CLCNKA: variants seen among roughly 807,000 people sequenced by gnomAD.
CLCNKA encodes chloride voltage-gated channel Ka, also known as chloride channel protein ClC-Ka.
CLCNKA carries 66 observed loss-of-function variants against 83.3 expected under a neutral mutation model. That is an observed-to-expected ratio of 0.79 (90% CI 0.65 to 0.97). The LOEUF (loss-of-function observed/expected upper bound fraction) is 0.97, where lower values mean the gene tolerates loss of function less well. CLCNKA is among the 50% of genes least tolerant of loss of function. The pLI, the probability that CLCNKA is intolerant of heterozygous loss-of-function variation, is 0.00. For missense variants in CLCNKA, 806 were observed against 888.7 expected, an observed-to-expected ratio of 0.91 and a Z score of 1.18; for synonymous variants, 357 against 370.4, an observed-to-expected ratio of 0.96 and a Z score of 0.42.
intron 2 of CLCNKA, 40 bp downstream of exon 2, chr1:16,022,759 T>G: frequency 7.3e-7 from 1 of 1,371,666 alleles, no homozygotes. Context: ...GGGGGACCAC[T>G]CAGGACATCA....
chr1:16,026,539 C>T lies in CLCNKA; in HGVS notation c.502C>T (p.Pro168Ser), dbSNP rs370650380. 113 of 1,613,978 alleles carry T rather than the reference C, an allele frequency of 7.0e-5. No individual in the cohort carries two copies. Among genetic ancestry groups the T allele is most frequent in the Non-Finnish European group, 9.3e-5 (110 of 1,180,006 alleles). ...GSTLFLGKVGPFVHLSVMIAA... is the reference protein window; with the variant it reads ...GSTLFLGKVGSFVHLSVMIAA... Reference sequence around the variant, plus strand: ...GGGCCCACCCTTCCCTCTGCAGGGCCCTTTCGTGCACCTGTCTGTAATGAT... The same window carrying T: ...GGGCCCACCCTTCCCTCTGCAGGGCTCTTTCGTGCACCTGTCTGTAATGAT... Residue 168 changes from proline (P) to serine (S), a missense_variant, in exon 6 of 20, where the codon CCT becomes TCT. Coordinates refer to ENST00000331433, the MANE Select transcript of CLCNKA (RefSeq NM_004070.4).
At chr1:16,026,886 G>C (rs550783487) in intron 7 of CLCNKA, 111 bp downstream of exon 7, 2 of 1,438,984 alleles carry the variant, frequency 1.4e-6, no homozygotes, top group African/African-American at 1.4e-5. Flanking sequence ...GCTCATTCTT[G>C]TTCTCACTTC....
In CLCNKA at chr1:16,030,360, C is replaced by G. The variant is rs2022573828; in HGVS notation, c.1409-101C>G. 3 of 1,446,908 alleles carry G rather than the reference C, an allele frequency of 2.1e-6. 1 individual carries two copies. The African/African-American group carries it at 4.2e-5, about 20-fold the overall frequency. The allele number at this position is 1,446,908 out of a possible 1,614,324, so 89.6% of individuals were successfully genotyped here. ...GCCCAGGCTGTGGCCTCTTACAATT[C>G]CCACCCTAGCCCCCGGCAGCAGCCA... On this transcript the variant is annotated intron_variant, in intron 14 of 19. Coordinates refer to ENST00000331433, the MANE Select transcript of CLCNKA (RefSeq NM_004070.4).
intron 18 of CLCNKA, 138 bp from the exon 19 acceptor site, chr1:16,033,032 A>C: frequency 1.1e-6 from 1 of 909,786 alleles, no homozygotes; most frequent in Non-Finnish European, 1.8e-6. Context: ...CACACTGGAC[A>C]TTGCAGGCCT....
intron 4 of CLCNKA, 67 bp downstream of exon 4, chr1:16,024,958 TG>T: frequency 1.3e-6 from 2 of 1,596,868 alleles, no homozygotes. Context: ...GGGCTTCTGA[TG>T]GGGGGAATCG....
intron 2 of CLCNKA, 37 bp downstream of exon 2, chr1:16,022,756 C>A: frequency 1.4e-6 from 2 of 1,381,670 alleles, no homozygotes; most frequent in Non-Finnish European, 1.9e-6. Flanking sequence ...CGCGGGGGAC[C>A]ACTCAGGACA....
rs779941978 is a variant in CLCNKA at position 16,032,571 on chromosome 1, G to A, written c.1929+45G>A. On this transcript the variant is annotated intron_variant, in intron 18 of 19. Coordinates refer to ENST00000331433, the MANE Select transcript of CLCNKA (RefSeq NM_004070.4). ...GTGACACACGCAGCCCCCGGGGCAG[G>A]GCAAGAGCTGATGAGGAGCTCAGGC... is the stretch of plus-strand genomic sequence containing the variant. 6 of 1,447,400 alleles carry A rather than the reference G, an allele frequency of 4.1e-6. No individual in the cohort carries two copies. The African/African-American group carries it at 8.3e-5, about 20-fold the overall frequency. The allele number at this position is 1,447,400 out of a possible 1,614,324, so 89.7% of individuals were successfully genotyped here. A position where few individuals can be genotyped will look rare whatever the true frequency, so the allele number is the denominator to read the frequency against.
rs769122689 is a variant in CLCNKA at position 16,033,294 on chromosome 1, C to T, written c.2016+38C>T. ...CGGGGGCAGAGCAAAGCAGGGGACC[C>T]ATGCCTGAGAAGGCTGGGGAGATGG... On this transcript the variant is annotated intron_variant, in intron 19 of 19. Transcript: ENST00000331433. 7.5e-6 allele frequency: 12 copies of T among 1,604,608 alleles called. 1 individual carries two copies. The highest frequency in any genetic ancestry group is 6.7e-5 in the African/African-American group (5 of 74,726).
intron 10 of CLCNKA, 170 bp from the exon 11 acceptor site, chr1:16,028,591 C>G: frequency 1.2e-6 from 1 of 816,670 alleles, no homozygotes; most frequent in South Asian, 1.4e-5. Context: ...GGGTTCTACC[C>G]GCTGGAGGGG....
chr1:16,031,821 G>T lies in CLCNKA; in HGVS notation c.1734G>T (p.Glu578Asp). The T allele has an allele frequency of 6.2e-7, 1 of 1,613,918 alleles. No homozygotes were observed. Among genetic ancestry groups the T allele is most frequent in the Non-Finnish European group, 8.5e-7 (1 of 1,180,036 alleles). Residue 578 changes from glutamate to aspartate, a missense_variant, in exon 16 of 20, where the codon GAG becomes GAT. Physicochemically the swap from Glu to Asp is conservative, Grantham distance 45. Coordinates refer to ENST00000331433, the MANE Select transcript of CLCNKA (RefSeq NM_004070.4). ...TTGTGACCTCCACAGACGTGACCGAGTATCCCCTGGTGGAGAGCACAGGTG... is the reference window on the plus strand; with the variant it reads ...TTGTGACCTCCACAGACGTGACCGATTATCCCCTGGTGGAGAGCACAGGTG... Reference protein sequence around the residue: ...VKVVTSTDVTEYPLVESTESQ... With the variant: ...VKVVTSTDVTDYPLVESTESQ...
intron 11 of CLCNKA, 89 bp from the exon 12 acceptor site, chr1:16,029,037 T>A: frequency 1.3e-6 from 2 of 1,560,384 alleles, no homozygotes; most frequent in Non-Finnish European, 1.7e-6. Flanking sequence ...CAGGGGAGGA[T>A]TCCAGGCGGG....
Position 16,028,767 on chromosome 1 carries a change from T to C in CLCNKA, c.975T>C (p.Pro325=). The change falls in exon 11 of 20, where the codon CCT becomes CCC. Residue 325 remains proline (P), a synonymous_variant. Transcript: ENST00000331433. The part of the protein sequence containing the change: ...YSSKLLATSK[P]VYSALATLLL... ...GCTCACCCACCCCCCACAGCAAGCCTGTGTACTCCGCTCTGGCCACCTTGC... is the reference window on the plus strand; with the variant it reads ...GCTCACCCACCCCCCACAGCAAGCCCGTGTACTCCGCTCTGGCCACCTTGC... The C allele has an allele frequency of 6.2e-7, 1 of 1,614,118 alleles. No homozygotes were observed. The highest frequency in any genetic ancestry group is 8.5e-7 in the Non-Finnish European group (1 of 1,180,018).
At chr1:16,023,981 C>G (rs1193501211) in intron 3 of CLCNKA, 53 bp downstream of exon 3, 1 of 1,610,018 alleles carries the variant, frequency 6.2e-7, no homozygotes, top group Non-Finnish European at 8.5e-7. Context: ...TAGGCACGCT[C>G]TGGGGATACC....
chr1:16,027,989 C>G (rs2022439533), intron 9 of CLCNKA, 29 bp from the exon 10 acceptor site: 3 of 1,613,924 alleles, frequency 1.9e-6, no homozygotes, highest in African/African-American at 2.7e-5. Flanking sequence ...TGGGGTCAGG[C>G]TCTGGTCTTA....
At chr1:16,029,543 C>T (rs988712410) in intron 12 of CLCNKA, among the ~76,000 whole-genome samples, 188 bp from the exon 13 acceptor site, 3 of 152,208 alleles carry the variant, frequency 2.0e-5, no homozygotes, top group Admixed American at 6.5e-5. Context: ...GTACCTGGCA[C>T]AGTGCCAGGC....
At chr1:16,027,003 T>C in intron 7 of CLCNKA, 1 of 657,266 alleles carries the variant, frequency 1.5e-6, no homozygotes, top group Non-Finnish European at 2.6e-6. Context: ...TTACACAGAC[T>C]TGGGTTTGAA....
intron 2 of CLCNKA, among the ~76,000 whole-genome samples, chr1:16,023,271 T>C (rs1182936402): frequency 6.6e-6 from 1 of 152,212 alleles, no homozygotes; most frequent in Non-Finnish European, 1.5e-5. Flanking sequence ...ACCCAGAGGA[T>C]ACCTGGCGCC....
chr1:16,025,463 C>A lies in CLCNKA; in HGVS notation c.358+572C>A, dbSNP rs140728570. Reference sequence around the variant, plus strand: ...GGTGGATCACTTGATCCCAGGTGTTCAAGAGCAGCTTGGACAACATGGTGA... The same window carrying A: ...GGTGGATCACTTGATCCCAGGTGTTAAAGAGCAGCTTGGACAACATGGTGA... On this transcript the variant is annotated intron_variant, in intron 4 of 19. Coordinates refer to ENST00000331433, the MANE Select transcript of CLCNKA (RefSeq NM_004070.4). 2.4e-3 allele frequency among the ~76,000 whole-genome samples: 360 copies of A among 152,230 alleles called. 2 individuals are homozygous for A. The highest frequency in any genetic ancestry group is 5.6e-3 in the South Asian group (27 of 4,822).
Position 16,028,565 on chromosome 1 carries a change from G to A in CLCNKA, c.969-196G>A, listed in dbSNP as rs80172269. The A allele has an allele frequency of 2.5e-5, 18 of 722,000 alleles. No homozygotes were observed. The Admixed American group carries it at 2.6e-4, about 10-fold the overall frequency. 44.7% of individuals were successfully genotyped at this position (722,000 alleles called of 1,614,324 possible). Reference sequence around the variant, plus strand: ...CCTCTGCCCTCAGTCATACCCAGTTGAGGGGCTCACCCCACGGGTTCTACC... The same window carrying A: ...CCTCTGCCCTCAGTCATACCCAGTTAAGGGGCTCACCCCACGGGTTCTACC... On this transcript the variant is annotated intron_variant, in intron 10 of 19. Transcript: ENST00000331433.
Sources: allele counts gnomAD v4.1 joint callset (sites outside exome capture counted in the v4.1 genomes callset), GRCh38; gene constraint gnomAD v4.1.1; transcripts MANE v1.5; gene names NCBI Gene and HGNC (gene_info 2026-07-23, HGNC 2026-07-21).